The following CRACDL variants were observed in gnomAD, a reference collection of about 807,000 sequenced individuals.
CRACDL encodes CRACD-like protein.
In CRACDL, 26 loss-of-function variants were observed where a neutral mutation model predicts 70.6. That is an observed-to-expected ratio of 0.37 (90% CI 0.27 to 0.51). The LOEUF is 0.51. Ranked by LOEUF, CRACDL falls within the 20% of genes least tolerant of loss-of-function variation. The probability of loss-of-function intolerance (pLI) is 0.94; values close to 1 mark genes in which losing one functional copy is unlikely to be tolerated. For synonymous variants in CRACDL, 618 were observed against 615.2 expected, an observed-to-expected ratio of 1.00 and a Z score of -0.07; for missense variants, 1,283 against 1,376.9, an observed-to-expected ratio of 0.93 and a Z score of 1.08.
chr2:98,795,216 C>T (rs1201787281), intron 9 of CRACDL, among the ~76,000 whole-genome samples: 2 of 150,842 alleles, frequency 1.3e-5, no homozygotes, highest in African/African-American at 2.4e-5. Context: ...GCTGGGATTA[C>T]AGACATGCGC....
intron 1 of CRACDL, among the ~76,000 whole-genome samples, chr2:98,925,067 C>T (rs953691466): frequency 1.3e-5 from 2 of 152,208 alleles, no homozygotes; most frequent in Non-Finnish European, 1.5e-5. Context: ...CTGTCCCTTT[C>T]CTTCCCCTTC....
chr2:98,822,872 C>G lies in CRACDL; in HGVS notation c.1401G>C (p.Glu467Asp), dbSNP rs772452128. 1 of 1,466,954 alleles carries G rather than the reference C, an allele frequency of 6.8e-7. No homozygotes were observed. Among genetic ancestry groups the G allele is most frequent in the Admixed American group, 2.6e-5 (1 of 38,716 alleles). The allele number at this position is 1,466,954 out of a possible 1,614,324, so 90.9% of individuals were successfully genotyped here. ...GCTCGGTCCCCGCTCCTCTCTCGGG[C>G]TCCGTCTCCGCTTCTCTCTCGGGCT... ...APEPEREAET[E>D]PERGAGTEPE... Residue 467 changes from glutamate (E) to aspartate (D), a missense_variant, in exon 7 of 10, where the codon GAG (glutamate) becomes GAC (aspartate). Physicochemically the swap from Glu to Asp is conservative, Grantham distance 45. This residue lies in a region of CRACDL where 921 missense variants were observed against 881.9 expected (regional missense o/e 1.04). Coordinates refer to ENST00000397899, the MANE Select transcript of CRACDL (RefSeq NM_207362.3). This position sits in a 1 kb window ranked among gnomAD's most constrained non-coding sequence, Gnocchi z 4.9.
In CRACDL at chr2:98,877,390, C is replaced by T. The variant is rs369884937; in HGVS notation, c.-10-30580G>A. Among the ~76,000 whole-genome samples the T allele has an allele frequency of 2.8e-4, 42 of 152,256 alleles. 1 individual carries two copies. The highest frequency in any genetic ancestry group is 7.0e-4 in the African/African-American group (29 of 41,536). ...TGACAGTGATCCTAGAAGATTATAA[C>T]GGAGCTGGGAAATTCCTATCACCTA... On this transcript the variant is annotated intron_variant, in intron 1 of 9. Transcript: ENST00000397899.
Position 98,823,671 on chromosome 2 carries a change from AC to A in CRACDL, c.736-135del. 1 of 1,095,328 alleles carries A rather than the reference AC, an allele frequency of 9.1e-7. No individual in the cohort carries two copies. The highest frequency in any genetic ancestry group is 1.3e-6 in the Non-Finnish European group (1 of 757,188). 67.9% of individuals were successfully genotyped at this position (1,095,328 alleles called of 1,614,324 possible). ...AAAGCTGGCACTTAAGTAGGCATGT[AC>A]CCACGGGTGTCTTTTCTCAGTCTGT... is the stretch of plus-strand genomic sequence containing the variant. On this transcript the variant is annotated intron_variant, in intron 6 of 9. Transcript: ENST00000397899. The surrounding 1 kb of genome is among the most constrained non-coding windows in gnomAD (Gnocchi z 4.0).
chr2:98,807,540 G>A (rs1704362480), intron 7 of CRACDL, among the ~76,000 whole-genome samples: 2 of 152,220 alleles, frequency 1.3e-5, no homozygotes, highest in African/African-American at 4.8e-5. Flanking sequence ...GCTGAGAACT[G>A]CAGTGCAGCA....
chr2:98,822,551 G>C lies in CRACDL; in HGVS notation c.1722C>G (p.Phe574Leu). 1 of 1,468,120 alleles carries C rather than the reference G, an allele frequency of 6.8e-7. No individual in the cohort carries two copies. Among genetic ancestry groups the C allele is most frequent in the Non-Finnish European group, 8.9e-7 (1 of 1,117,638 alleles). The allele number at this position is 1,468,120 out of a possible 1,614,324, so 90.9% of individuals were successfully genotyped here. The change falls in exon 7 of 10, where the codon TTC (phenylalanine) becomes TTG (leucine). Residue 574 changes from phenylalanine (F) to leucine (L), a missense_variant. By Grantham distance (22) the Phe-to-Leu change is conservative. Around this residue, in one of 2 missense-constraint regions of CRACDL, gnomAD observed 921 missense variants for 881.9 expected, o/e 1.04. Transcript: ENST00000397899. The surrounding 1 kb of genome is among the most constrained non-coding windows in gnomAD (Gnocchi z 4.9). ...GCCGCGCTCGGCACGAGGACACCGA[G>C]AACTTCTTCGCGCCTCGCAGCTCGG... ...GGAELRGAKK[F>L]SVSSCRARPR...
At chr2:98,848,946 T>A (rs1706370577) in intron 1 of CRACDL, among the ~76,000 whole-genome samples, 1 of 152,210 alleles carries the variant, frequency 6.6e-6, no homozygotes, top group African/African-American at 2.4e-5. Context: ...AGAGCAGATA[T>A]GGCGTCTACA....
intron 1 of CRACDL, among the ~76,000 whole-genome samples, chr2:98,907,534 ACC>A (rs1708444642): frequency 6.6e-6 from 1 of 151,860 alleles, no homozygotes; most frequent in East Asian, 1.9e-4. Context: ...CCTCTCCACT[ACC>A]ATCCCCGCAA....
At chr2:98,913,332 G>A (rs1169364317) in intron 1 of CRACDL, among the ~76,000 whole-genome samples, 3 of 152,158 alleles carry the variant, frequency 2.0e-5, no homozygotes, top group Non-Finnish European at 4.4e-5. Flanking sequence ...CACCTCTGTC[G>A]GGGGGTGGGA....
At chr2:98,846,871 A>C in intron 1 of CRACDL, 61 bp from the exon 2 acceptor site, 1 of 1,382,678 alleles carries the variant, frequency 7.2e-7, no homozygotes, top group Non-Finnish European at 1.0e-6. Flanking sequence ...CCAATGAGTG[A>C]AATGGTGTTC....
At chr2:98,812,122 T>C (rs1704590852) in intron 7 of CRACDL, among the ~76,000 whole-genome samples, 1 of 152,194 alleles carries the variant, frequency 6.6e-6, no homozygotes, top group African/African-American at 2.4e-5. Context: ...ACTACAGGTG[T>C]GCACCACCGC....
chr2:98,923,629 G>T (rs577884551), intron 1 of CRACDL, among the ~76,000 whole-genome samples: 81 of 152,176 alleles, frequency 5.3e-4, no homozygotes, highest in Non-Finnish European at 1.1e-3. Context: ...TCAATACTAG[G>T]TCACATATGT....
Position 98,911,779 on chromosome 2 carries a change from G to A in CRACDL, c.-11+24159C>T, listed in dbSNP as rs140355626. Among the ~76,000 whole-genome samples the A allele has an allele frequency of 2.6e-5, 4 of 152,152 alleles. No individual in the cohort carries two copies. In the South Asian group the frequency reaches 6.3e-4, roughly 24 times the overall value. ...CACCCCGAGAACCTGAGGGTGTTTT[G>A]TTTTCCTCCCAGTCTGCGGTGCTCA... On this transcript the variant is annotated intron_variant, in intron 1 of 9. Transcript: ENST00000397899.
intron 7 of CRACDL, among the ~76,000 whole-genome samples, chr2:98,815,569 G>C (rs1476217400): frequency 6.6e-6 from 1 of 152,228 alleles, no homozygotes; most frequent in African/African-American, 2.4e-5. Flanking sequence ...TGTTGCTGCT[G>C]TCTGTGCTAA....
At chr2:98,925,323 G>A (rs953471855) in intron 1 of CRACDL, among the ~76,000 whole-genome samples, 15 of 152,202 alleles carry the variant, frequency 9.9e-5, no homozygotes, top group African/African-American at 3.6e-4. Context: ...AACCCTGGGT[G>A]GGTTACCAGG....
intron 5 of CRACDL, among the ~76,000 whole-genome samples, chr2:98,828,539 G>A (rs1428963670): frequency 6.6e-6 from 1 of 152,132 alleles, no homozygotes; most frequent in African/African-American, 2.4e-5. Flanking sequence ...CACAGAGCAG[G>A]TGCCCAGCAG....
At chr2:98,864,384 T>C (rs1277607507) in intron 1 of CRACDL, among the ~76,000 whole-genome samples, 2 of 151,960 alleles carry the variant, frequency 1.3e-5, no homozygotes, top group African/African-American at 4.8e-5. Context: ...CAGAGTAGAT[T>C]AGTGGTTGCA....
chr2:98,903,010 C>A (rs1708319078), intron 1 of CRACDL, among the ~76,000 whole-genome samples: 1 of 152,108 alleles, frequency 6.6e-6, no homozygotes, highest in African/African-American at 2.4e-5. Flanking sequence ...ACCCCCAGGG[C>A]CGCGCTAGCA....
At chr2:98,898,091 G>A (rs983274140) in intron 1 of CRACDL, among the ~76,000 whole-genome samples, 10 of 152,240 alleles carry the variant, frequency 6.6e-5, no homozygotes, top group Non-Finnish European at 1.3e-4. Context: ...AAAGAATCAA[G>A]AGTTAGTTAT....
Sources: allele counts gnomAD v4.1 joint callset (sites outside exome capture counted in the v4.1 genomes callset), GRCh38; gene constraint gnomAD v4.1.1; regional missense constraint gnomAD v4.1.1; non-coding constraint Gnocchi (gnomAD v3.1); transcripts MANE v1.5; gene names NCBI Gene and HGNC (gene_info 2026-07-23, HGNC 2026-07-21).